Variants in DHRSX observed in about 807,000 individuals in gnomAD.
DHRSX encodes the protein dehydrogenase/reductase X-linked, also known as polyprenol dehydrogenase.
Under a neutral mutation model 34.0 loss-of-function variants are expected in DHRSX, and 31 were observed. The ratio of observed to expected loss-of-function variants is 0.91; its 90% CI spans 0.69 to 1.23. The LOEUF is 1.23. Ranked by LOEUF, DHRSX falls within the 50% of genes most tolerant of loss-of-function variation. DHRSX has a pLI of 0.00. For missense variants in DHRSX, 414 were observed against 428.1 expected (o/e 0.97, Z 0.29); for synonymous variants, 201 against 183.8 (o/e 1.09, Z -0.76).
chrX:2,439,471 T>A (rs1407735393), intron 1 of DHRSX, among the ~76,000 whole-genome samples: 1 of 152,228 alleles, frequency 6.6e-6, no homozygotes, highest in African/African-American at 2.4e-5. Context: ...ACCAGTTTCA[T>A]GGAAGACCAT....
intron 3 of DHRSX, among the ~76,000 whole-genome samples, chrX:2,390,684 C>T (rs1007840425): frequency 6.6e-6 from 1 of 152,184 alleles, no homozygotes; most frequent in Non-Finnish European, 1.5e-5. Context: ...CTTTCTGTCT[C>T]TAAAAATTTA....
At chrX:2,320,262 G>A (rs1020756644) in intron 3 of DHRSX, among the ~76,000 whole-genome samples, 6 of 124,310 alleles carry the variant, frequency 4.8e-5, no homozygotes, top group African/African-American at 1.5e-4. Flanking sequence ...ATGACCCAAA[G>A]AGCTTCACAT....
intron 1 of DHRSX, among the ~76,000 whole-genome samples, chrX:2,479,163 C>G (rs1351674162): frequency 6.6e-6 from 1 of 151,432 alleles, no homozygotes; most frequent in Admixed American, 6.6e-5. Context: ...CTGCCCTGTA[C>G]ACACTGAAGA....
intron 1 of DHRSX, among the ~76,000 whole-genome samples, chrX:2,477,821 G>T (rs1211598391): frequency 6.6e-6 from 1 of 151,806 alleles, no homozygotes; most frequent in Non-Finnish European, 1.5e-5. Flanking sequence ...CTCCAGCCTG[G>T]GTGACAGGGT....
intron 3 of DHRSX, among the ~76,000 whole-genome samples, chrX:2,386,886 T>G (rs1280623572): frequency 6.6e-6 from 1 of 151,218 alleles, no homozygotes; most frequent in African/African-American, 2.4e-5. Flanking sequence ...GGTTTTGTTT[T>G]TTTTTTTTTT....
In DHRSX at chrX:2,484,333, C is replaced by T. The variant is rs548894985; in HGVS notation, c.109+16484G>A. The stretch of plus-strand genomic sequence containing the variant: ...GTTGAGAGACAGAGAATGCATGGTC[C>T]GCGGAGCCAAAAATATTTCCTCTCT... On this transcript the variant is annotated intron_variant, in intron 1 of 6. Transcript: ENST00000334651. Among the ~76,000 whole-genome samples the T allele has an allele frequency of 1.6e-4, 25 of 152,180 alleles. 1 individual carries two copies. In the South Asian group the frequency reaches 3.9e-3, roughly 24 times the overall value.
chrX:2,223,911 G>T (rs2015576647), intron 6 of DHRSX, among the ~76,000 whole-genome samples: 1 of 152,118 alleles, frequency 6.6e-6, no homozygotes, highest in Admixed American at 6.5e-5. Context: ...AATCCAACAT[G>T]GTGCCCCTTC....
chrX:2,400,601 G>A (rs1229762543), intron 3 of DHRSX, among the ~76,000 whole-genome samples: 1 of 152,166 alleles, frequency 6.6e-6, no homozygotes, highest in East Asian at 1.9e-4. Context: ...GAAGATACCT[G>A]TGCACAGAAT....
chrX:2,445,555 G>A (rs753058065), intron 1 of DHRSX, among the ~76,000 whole-genome samples: 9 of 151,944 alleles, frequency 5.9e-5, no homozygotes, highest in Admixed American at 1.3e-4. Context: ...GACCGCTGCC[G>A]TGGGCACACT....
intron 3 of DHRSX, among the ~76,000 whole-genome samples, chrX:2,345,031 C>T (rs1268217621): frequency 6.6e-6 from 1 of 151,484 alleles, no homozygotes; most frequent in Non-Finnish European, 1.5e-5. Flanking sequence ...GCAGTCTACC[C>T]TATACCCTGC....
intron 5 of DHRSX, among the ~76,000 whole-genome samples, chrX:2,256,903 T>A (rs2041287392): frequency 6.6e-6 from 1 of 152,050 alleles, no homozygotes; most frequent in Admixed American, 6.5e-5. Context: ...AACTTCGGGT[T>A]TAGGAGATCT....
At chrX:2,443,620 G>A (rs187741605) in intron 1 of DHRSX, among the ~76,000 whole-genome samples, 22 of 152,126 alleles carry the variant, frequency 1.4e-4, no homozygotes, top group Non-Finnish European at 2.9e-4. Context: ...CACATGCTGG[G>A]CACCGTTACA....
chrX:2,264,963 A>T (rs1022406651), intron 5 of DHRSX, among the ~76,000 whole-genome samples: 5 of 131,670 alleles, frequency 3.8e-5, no homozygotes, highest in Non-Finnish European at 8.1e-5. Context: ...CCGTAGCCAG[A>T]GCACCTGTGC....
chrX:2,485,600 CAG>C (rs1339954376), intron 1 of DHRSX, among the ~76,000 whole-genome samples: 8 of 77,154 alleles, frequency 1.0e-4, no homozygotes, highest in Non-Finnish European at 1.5e-4. Context: ...GGGAGGGAGA[CAG>C]GGAGGGACAG....
chrX:2,237,056 G>C lies in DHRSX; in HGVS notation c.804+5967C>G, dbSNP rs185392760. Among the ~76,000 whole-genome samples, 44 of 152,114 alleles carry C rather than the reference G, an allele frequency of 2.9e-4. No individual in the cohort carries two copies. In the East Asian group the frequency reaches 7.0e-3, roughly 24 times the overall value. ...ATGTAAAAATTAGCCAGGCGTGCTG[G>C]GAGGTAGCTGAGGTCCCAGCTACCC... On this transcript the variant is annotated intron_variant, in intron 6 of 6. Transcript: ENST00000334651.
intron 1 of DHRSX, among the ~76,000 whole-genome samples, chrX:2,457,823 A>G (rs1274392758): frequency 6.6e-6 from 1 of 151,838 alleles, no homozygotes; most frequent in Non-Finnish European, 1.5e-5. Context: ...GACGTTCCCT[A>G]AGCTTGTGGC....
intron 1 of DHRSX, among the ~76,000 whole-genome samples, chrX:2,431,718 A>G (rs1310394449): frequency 1.3e-5 from 2 of 152,170 alleles, no homozygotes; most frequent in Non-Finnish European, 2.9e-5. Flanking sequence ...GTACAGATGG[A>G]CATAAAGATG....
chrX:2,392,019 A>G (rs1215770848), intron 3 of DHRSX, among the ~76,000 whole-genome samples: 1 of 152,224 alleles, frequency 6.6e-6, no homozygotes, highest in African/African-American at 2.4e-5. Flanking sequence ...TGAGTCAGCA[A>G]TTATGCATCC....
rs767333061 is a variant in DHRSX at position 2,454,330 on chromosome X, C to T, written c.110-29026G>A. Among the ~76,000 whole-genome samples, 7 of 152,066 alleles carry T rather than the reference C, an allele frequency of 4.6e-5. No individual in the cohort carries two copies. In the South Asian group the frequency reaches 1.2e-3, roughly 27 times the overall value. Reference sequence around the variant, plus strand: ...TCACCTGAGGTCAGGAGTTCCAGACCAGCCTGACCAATATGCTGAAACGCT... The same window carrying T: ...TCACCTGAGGTCAGGAGTTCCAGACTAGCCTGACCAATATGCTGAAACGCT... On this transcript the variant is annotated intron_variant, in intron 1 of 6. Coordinates refer to ENST00000334651, the MANE Select transcript of DHRSX (RefSeq NM_145177.3).
Sources: allele counts gnomAD v4.1 joint callset (sites outside exome capture counted in the v4.1 genomes callset), GRCh38; gene constraint gnomAD v4.1.1; transcripts MANE v1.5; gene names NCBI Gene and HGNC (gene_info 2026-07-23, HGNC 2026-07-21).